KCNJ3: variants seen among roughly 807,000 people sequenced by gnomAD.
KCNJ3 encodes potassium inwardly rectifying channel subfamily J member 3, also known as G protein-activated inward rectifier potassium channel 1.
In KCNJ3, 4 loss-of-function variants were observed where a neutral mutation model predicts 39.2. The observed-to-expected ratio is 0.10, with a 90% CI of 0.05 to 0.23. The LOEUF is 0.23. KCNJ3 is among the 10% of genes least tolerant of loss of function. KCNJ3 has a pLI of 1.00. For synonymous variants in KCNJ3, 230 were observed against 237.4 expected, an observed-to-expected ratio of 0.97 and a Z score of 0.29; for missense variants, 276 against 634.9, an observed-to-expected ratio of 0.43 and a Z score of 6.08.
intron 2 of KCNJ3, among the ~76,000 whole-genome samples, chr2:154,774,542 A>G (rs1222065277): frequency 6.6e-6 from 1 of 152,080 alleles, no homozygotes; most frequent in Non-Finnish European, 1.5e-5. Context: ...ATTAATATTT[A>G]TGAAAAAAAC....
At chr2:154,721,630 T>G (rs1685264891) in intron 2 of KCNJ3, among the ~76,000 whole-genome samples, 1 of 152,124 alleles carries the variant, frequency 6.6e-6, no homozygotes, top group Admixed American at 6.5e-5. Flanking sequence ...GCCAGAATAT[T>G]ATTGGAACCA....
chr2:154,797,577 TAA>T (rs1389742416), intron 2 of KCNJ3, among the ~76,000 whole-genome samples: 1 of 151,976 alleles, frequency 6.6e-6, no homozygotes, highest in African/African-American at 2.4e-5. Context: ...TTTTATAAAA[TAA>T]AAAGATATAT....
At chr2:154,847,270 A>G (rs772002219) in intron 2 of KCNJ3, among the ~76,000 whole-genome samples, 1 of 152,196 alleles carries the variant, frequency 6.6e-6, no homozygotes, top group Non-Finnish European at 1.5e-5. Flanking sequence ...CAGAAAGTTT[A>G]TACTTTACAT....
intron 2 of KCNJ3, among the ~76,000 whole-genome samples, chr2:154,725,564 A>G (rs1436237993): frequency 6.6e-6 from 1 of 151,984 alleles, no homozygotes; most frequent in Middle Eastern, 3.2e-3. Flanking sequence ...ATTTTCCTGT[A>G]TCAAACTTTA....
intron 2 of KCNJ3, among the ~76,000 whole-genome samples, chr2:154,819,489 A>G (rs1399416117): frequency 6.6e-6 from 1 of 151,958 alleles, no homozygotes; most frequent in African/African-American, 2.4e-5. Context: ...AATTAATGAT[A>G]TATTCTTCTC....
intron 2 of KCNJ3, among the ~76,000 whole-genome samples, chr2:154,747,992 G>A (rs903012721): frequency 1.3e-5 from 2 of 151,882 alleles, no homozygotes; most frequent in African/African-American, 2.4e-5. Context: ...AAAGTATGCC[G>A]CTTTGGGAAT....
chr2:154,810,249 A>AT (rs1686985395), intron 2 of KCNJ3, among the ~76,000 whole-genome samples: 1 of 151,974 alleles, frequency 6.6e-6, no homozygotes, highest in Non-Finnish European at 1.5e-5. Flanking sequence ...CGCCTGACTA[A>AT]TTTTTTGTAT....
chr2:154,706,173 A>T (rs540289384), intron 1 of KCNJ3, among the ~76,000 whole-genome samples: 5,444 of 152,132 alleles, frequency 0.036, 164 homozygotes, highest in Non-Finnish European at 0.048. Flanking sequence ...AAATAATTTC[A>T]ATTATTGTTG....
intron 1 of KCNJ3, among the ~76,000 whole-genome samples, chr2:154,702,352 T>C (rs1574426353): frequency 6.6e-6 from 1 of 151,974 alleles, no homozygotes; most frequent in Non-Finnish European, 1.5e-5. Context: ...TACTGTTTTC[T>C]TATTTGCTAA....
chr2:154,819,811 G>C (rs543269514), intron 2 of KCNJ3, among the ~76,000 whole-genome samples: 5 of 151,832 alleles, frequency 3.3e-5, no homozygotes, highest in Non-Finnish European at 7.4e-5. Context: ...TTACAGGCAG[G>C]AGCCACCACT....
At chr2:154,823,565 C>T (rs1687219446) in intron 2 of KCNJ3, among the ~76,000 whole-genome samples, 2 of 152,114 alleles carry the variant, frequency 1.3e-5, no homozygotes, top group South Asian at 4.2e-4. Flanking sequence ...ATGTAAACTC[C>T]TTCTCTGCTC....
intron 2 of KCNJ3, among the ~76,000 whole-genome samples, chr2:154,716,200 C>T (rs534727919): frequency 2.0e-5 from 3 of 151,502 alleles, no homozygotes; most frequent in South Asian, 2.1e-4. Context: ...GGGTTCATGC[C>T]GTGGGTTCAT....
At chr2:154,771,477 A>T (rs1686241193) in intron 2 of KCNJ3, among the ~76,000 whole-genome samples, 1 of 152,230 alleles carries the variant, frequency 6.6e-6, no homozygotes, top group Non-Finnish European at 1.5e-5. Flanking sequence ...TGAAAAGCTA[A>T]CTTGATTTCA....
intron 2 of KCNJ3, among the ~76,000 whole-genome samples, chr2:154,844,706 G>T (rs1415238716): frequency 2.0e-5 from 3 of 152,190 alleles, no homozygotes; most frequent in African/African-American, 7.2e-5. Flanking sequence ...ATCTCAGACT[G>T]CTGTGCTAGC....
chr2:154,802,029 A>G (rs957263336), intron 2 of KCNJ3, among the ~76,000 whole-genome samples: 1 of 152,192 alleles, frequency 6.6e-6, no homozygotes, highest in African/African-American at 2.4e-5. Flanking sequence ...TGTTGTTTGC[A>G]TCTGTAGAAC....
chr2:154,843,921 C>T (rs1234167250), intron 2 of KCNJ3, among the ~76,000 whole-genome samples: 4 of 152,180 alleles, frequency 2.6e-5, no homozygotes, highest in Non-Finnish European at 4.4e-5. Flanking sequence ...TTGTTATTAC[C>T]GGCCTTCTGA....
chr2:154,751,759 A>G (rs1048388678), intron 2 of KCNJ3, among the ~76,000 whole-genome samples: 1 of 152,204 alleles, frequency 6.6e-6, no homozygotes, highest in Admixed American at 6.6e-5. Context: ...GCCCAAGATC[A>G]AGGAGTCAGT....
At chr2:154,785,301 G>A (rs1686507221) in intron 2 of KCNJ3, among the ~76,000 whole-genome samples, 2 of 152,168 alleles carry the variant, frequency 1.3e-5, no homozygotes, top group Admixed American at 6.5e-5. Flanking sequence ...TCAAGGTGTT[G>A]GTAGGTATGG....
At chr2:154,854,133 C>T (rs978357030) in intron 2 of KCNJ3, among the ~76,000 whole-genome samples, 1 of 152,072 alleles carries the variant, frequency 6.6e-6, no homozygotes, top group East Asian at 1.9e-4. Context: ...TCCTTTGCTA[C>T]GTAAAGACAA....
Sources: allele counts gnomAD v4.1 joint callset (sites outside exome capture counted in the v4.1 genomes callset), GRCh38; gene constraint gnomAD v4.1.1; transcripts MANE v1.5; gene names NCBI Gene and HGNC (gene_info 2026-07-23, HGNC 2026-07-21).